TNFAIP6: variants seen among roughly 807,000 people sequenced by gnomAD.
TNFAIP6 encodes TNF alpha induced protein 6, also known as tumor necrosis factor-inducible gene 6 protein.
Under a neutral mutation model 33.7 loss-of-function variants are expected in TNFAIP6, and 36 were observed. That is an observed-to-expected ratio of 1.07 (90% CI 0.82 to 1.41). TNFAIP6 has a LOEUF of 1.41. Ranked by LOEUF, TNFAIP6 falls within the 40% of genes most tolerant of loss-of-function variation. The probability of loss-of-function intolerance (pLI) is 0.00; values close to 1 mark genes in which losing one functional copy is unlikely to be tolerated. For missense variants in TNFAIP6, 273 were observed against 331.9 expected, an observed-to-expected ratio of 0.82 and a Z score of 1.38; for synonymous variants, 113 against 112.8, an observed-to-expected ratio of 1.00 and a Z score of -0.01.
intron 5 of TNFAIP6, among the ~76,000 whole-genome samples, chr2:151,377,434 G>T: frequency 6.6e-6 from 1 of 152,014 alleles, no homozygotes; most frequent in Middle Eastern, 3.2e-3. Context: ...CTCCCAAAGT[G>T]CTAGGATTAC....
intron 4 of TNFAIP6, among the ~76,000 whole-genome samples, chr2:151,372,706 G>A (rs1446299872): frequency 3.9e-5 from 6 of 152,134 alleles, no homozygotes; most frequent in African/African-American, 9.7e-5. Flanking sequence ...GATCACCTGA[G>A]GTCAGGAGTT....
chr2:151,375,611 G>A (rs139658701), intron 5 of TNFAIP6, among the ~76,000 whole-genome samples: 3 of 152,210 alleles, frequency 2.0e-5, no homozygotes, highest in African/African-American at 7.2e-5. Flanking sequence ...GGGAGGCTGA[G>A]GCAGGAGAAT....
intron 1 of TNFAIP6, among the ~76,000 whole-genome samples, chr2:151,359,474 C>T (rs562831538): frequency 1.1e-3 from 161 of 151,368 alleles, no homozygotes; most frequent in African/African-American, 3.6e-3. Flanking sequence ...CTCCAAGCTC[C>T]GCCTCCCAGG....
intron 1 of TNFAIP6, among the ~76,000 whole-genome samples, chr2:151,363,079 G>A (rs1217992472): frequency 6.6e-6 from 1 of 152,124 alleles, no homozygotes; most frequent in African/African-American, 2.4e-5. Flanking sequence ...ACTTTGGGAG[G>A]CCGAGGCAGG....
intron 5 of TNFAIP6, among the ~76,000 whole-genome samples, chr2:151,378,261 T>A (rs991370318): frequency 5.9e-5 from 9 of 152,144 alleles, no homozygotes; most frequent in African/African-American, 1.9e-4. Flanking sequence ...CTATATTTTA[T>A]GTTATATAAT....
At position 151,357,638 on chromosome 2, in the gene TNFAIP6, C is replaced by T. The variant is rs1428920727; in HGVS notation, c.-29C>T. 2.1e-5 allele frequency: 30 copies of T among 1,407,132 alleles called. No homozygotes were observed. Among genetic ancestry groups the T allele is most frequent in the Non-Finnish European group, 2.9e-5 (29 of 992,274 alleles). The allele number at this position is 1,407,132 out of a possible 1,614,324, so 87.2% of individuals were successfully genotyped here. A position where few individuals can be genotyped will look rare whatever the true frequency, so the allele number is the denominator to read the frequency against. The stretch of plus-strand genomic sequence containing the variant: ...CTGAGAATTTGTGAGCAGCCCCTAA[C>T]AGGCTGTTACTTCACTACAACTGAC... On this transcript the variant is annotated 5_prime_UTR_variant, in exon 1 of 6. Transcript: ENST00000243347.
intron 5 of TNFAIP6, among the ~76,000 whole-genome samples, 174 bp from the exon 6 acceptor site, chr2:151,379,190 T>C (rs1453580007): frequency 6.6e-6 from 1 of 152,202 alleles, no homozygotes; most frequent in Non-Finnish European, 1.5e-5. Context: ...TCTCTCACCC[T>C]GTTCCATGCG....
In TNFAIP6 at chr2:151,366,145, A is replaced by T. The variant is rs1398274437; in HGVS notation, c.322A>T (p.Thr108Ser). Reference protein sequence around the residue: ...KPGPNCGFGKTGIIDYGIRLN... With the variant: ...KPGPNCGFGKSGIIDYGIRLN... ...AGGGCCCAACTGTGGATTTGGAAAA[A>T]CTGGCATTATTGATTATGGAATCCG... The change falls in exon 3 of 6, where the codon ACT (threonine) becomes TCT (serine). Residue 108 changes from threonine to serine, a missense_variant. Coordinates refer to ENST00000243347, the MANE Select transcript of TNFAIP6 (RefSeq NM_007115.4). 6.2e-7 allele frequency: 1 copy of T among 1,614,152 alleles called. No homozygotes were observed.
rs1350414053 is a variant in TNFAIP6 at position 151,379,422 on chromosome 2, A to G, written c.723A>G (p.Gln241=). The part of the protein sequence containing the change: ...SDASVTAGGF[Q]IKYVAMDPVS... ...CTTCAGTGACAGCTGGAGGTTTCCA[A>G]ATCAAATATGTTGCAATGGATCCTG... Residue 241 remains glutamine, a synonymous_variant, in exon 6 of 6, where the codon CAA becomes CAG. Transcript: ENST00000243347. The G allele has an allele frequency of 2.5e-6, 4 of 1,610,204 alleles. No individual in the cohort carries two copies. Among genetic ancestry groups the G allele is most frequent in the African/African-American group, 2.7e-5 (2 of 74,622 alleles).
At chr2:151,369,507 C>T (rs1573782794) in intron 3 of TNFAIP6, among the ~76,000 whole-genome samples, 1 of 152,012 alleles carries the variant, frequency 6.6e-6, no homozygotes, top group East Asian at 1.9e-4. Context: ...GGCACAGTGG[C>T]TCATGTTTAT....
intron 1 of TNFAIP6, among the ~76,000 whole-genome samples, chr2:151,358,023 T>C (rs1684565066): frequency 6.6e-6 from 1 of 152,170 alleles, no homozygotes; most frequent in Non-Finnish European, 1.5e-5. Flanking sequence ...TGAAAATATA[T>C]TTTTAAACTT....
intron 5 of TNFAIP6, among the ~76,000 whole-genome samples, chr2:151,376,016 C>T (rs541292993): frequency 3.3e-5 from 5 of 152,040 alleles, no homozygotes; most frequent in African/African-American, 9.7e-5. Context: ...GAGGCCAAGG[C>T]GGGTGGATCA....
At chr2:151,365,143 C>T (rs1025136934) in intron 2 of TNFAIP6, among the ~76,000 whole-genome samples, 1 of 152,038 alleles carries the variant, frequency 6.6e-6, no homozygotes, top group Non-Finnish European at 1.5e-5. Context: ...GAGTTCAAGA[C>T]CAGCCTAGGC....
At chr2:151,365,707 G>A (rs1319257385) in intron 2 of TNFAIP6, among the ~76,000 whole-genome samples, 1 of 152,068 alleles carries the variant, frequency 6.6e-6, no homozygotes, top group Non-Finnish European at 1.5e-5. Context: ...ATTACCACTT[G>A]AAAATATTTT....
Position 151,366,545 on chromosome 2 carries a change from C to T in TNFAIP6, c.394+328C>T, listed in dbSNP as rs902142810. ...GGCAGATGGGACTGAGAATTCAGAT[C>T]TTCTCTGTGCCAGGGAACTTCCCAG... On this transcript the variant is annotated intron_variant, in intron 3 of 5. Coordinates refer to ENST00000243347, the MANE Select transcript of TNFAIP6 (RefSeq NM_007115.4). 3.7e-4 allele frequency among the ~76,000 whole-genome samples: 56 copies of T among 152,236 alleles called. 1 individual carries two copies. The highest frequency in any genetic ancestry group is 1.3e-3 in the African/African-American group (55 of 41,552).
chr2:151,368,311 C>G (rs1031909357), intron 3 of TNFAIP6: 1 of 151,904 alleles, frequency 6.6e-6, no homozygotes, highest in African/African-American at 2.4e-5. Context: ...CAAGCTTGAA[C>G]TAGATCCTTG....
At position 151,359,970 on chromosome 2, in the gene TNFAIP6, A is replaced by C. The variant is rs1050077582; in HGVS notation, c.94+2210A>C. On this transcript the variant is annotated intron_variant, in intron 1 of 5. Transcript: ENST00000243347. ...CATGAGAATAAAAAATGCACAGATA[A>C]GCAATTATTTTTATTGTTGAATCTG... Among the ~76,000 whole-genome samples the C allele has an allele frequency of 5.3e-5, 8 of 152,336 alleles. No individual in the cohort carries two copies. In the South Asian group the frequency reaches 1.7e-3, roughly 32 times the overall value.
intron 5 of TNFAIP6, among the ~76,000 whole-genome samples, chr2:151,375,499 G>T (rs1360652828): frequency 2.0e-5 from 3 of 152,132 alleles, no homozygotes; most frequent in African/African-American, 7.2e-5. Flanking sequence ...ACCAGGTCAA[G>T]AGATCGAGAC....
intron 5 of TNFAIP6, among the ~76,000 whole-genome samples, chr2:151,378,940 A>G (rs953939853): frequency 2.6e-5 from 4 of 151,902 alleles, no homozygotes; most frequent in Admixed American, 1.3e-4. Flanking sequence ...TCTAGTAAAA[A>G]TACAAAAAAA....
Sources: allele counts gnomAD v4.1 joint callset (sites outside exome capture counted in the v4.1 genomes callset), GRCh38; gene constraint gnomAD v4.1.1; transcripts MANE v1.5; gene names NCBI Gene and HGNC (gene_info 2026-07-23, HGNC 2026-07-21).